TNFAIP8: variants seen among roughly 807,000 people sequenced by gnomAD.
The protein encoded by TNFAIP8 is tumor necrosis factor alpha-induced protein 8.
TNFAIP8 carries 7 observed loss-of-function variants against 13.3 expected under a neutral mutation model. That is an observed-to-expected ratio of 0.52 (90% confidence interval 0.30 to 0.99). The LOEUF is 0.99. Among genes scored for constraint, TNFAIP8 ranks in the 50% least tolerant of loss-of-function variants. TNFAIP8 has a pLI of 0.07. For synonymous variants in TNFAIP8, 94 were observed against 87.6 expected, an observed-to-expected ratio of 1.07 and a Z score of -0.41; for missense variants, 258 against 236.9, an observed-to-expected ratio of 1.09 and a Z score of -0.58.
chr5:119,321,438 C>T (rs1217739560), intron 1 of TNFAIP8, among the ~76,000 whole-genome samples: 1 of 152,146 alleles, frequency 6.6e-6, no homozygotes, highest in African/African-American at 2.4e-5. Flanking sequence ...GTATTTAACA[C>T]ATTTTTCCCA....
chr5:119,294,071 GT>G (rs1749082434), intron 1 of TNFAIP8, among the ~76,000 whole-genome samples: 1 of 151,222 alleles, frequency 6.6e-6, no homozygotes, highest in African/African-American at 2.4e-5. Flanking sequence ...TATACTTTAA[GT>G]TTTAGGGTAC....
At chr5:119,339,767 A>C (rs1180001101) in intron 1 of TNFAIP8, among the ~76,000 whole-genome samples, 1 of 152,202 alleles carries the variant, frequency 6.6e-6, no homozygotes, top group East Asian at 1.9e-4. Flanking sequence ...CTCCGATAAA[A>C]CACTGAAGTC....
intron 1 of TNFAIP8, among the ~76,000 whole-genome samples, chr5:119,374,061 T>G (rs917749577): frequency 1.3e-5 from 2 of 152,220 alleles, no homozygotes; most frequent in Non-Finnish European, 2.9e-5. Context: ...ATTCACATAG[T>G]ATATAGGGTT....
At chr5:119,282,839 C>G (rs780451099) in intron 1 of TNFAIP8, among the ~76,000 whole-genome samples, 7 of 152,188 alleles carry the variant, frequency 4.6e-5, no homozygotes, top group African/African-American at 9.7e-5. Flanking sequence ...CATTTCTTGC[C>G]CATCACAACC....
At chr5:119,316,641 T>C (rs1312827409) in intron 1 of TNFAIP8, among the ~76,000 whole-genome samples, 2 of 152,232 alleles carry the variant, frequency 1.3e-5, no homozygotes, top group Non-Finnish European at 2.9e-5. Flanking sequence ...AGAATCTCTT[T>C]CAAAAATCCA....
chr5:119,353,659 AC>A (rs1430821023), upstream of TNFAIP8, among the ~76,000 whole-genome samples: 1 of 152,232 alleles, frequency 6.6e-6, no homozygotes, highest in African/African-American at 2.4e-5. Context: ...TATAAGGCTG[AC>A]GGAGCGCTTG....
intron 1 of TNFAIP8, among the ~76,000 whole-genome samples, chr5:119,356,797 CA>C (rs1257381916): frequency 1.3e-5 from 2 of 151,808 alleles, no homozygotes; most frequent in African/African-American, 4.8e-5. Context: ...AAGCTCCAAC[CA>C]AAACACAATT....
intron 1 of TNFAIP8, among the ~76,000 whole-genome samples, chr5:119,364,044 G>T (rs1268170366): frequency 6.6e-6 from 1 of 152,158 alleles, no homozygotes; most frequent in Non-Finnish European, 1.5e-5. Flanking sequence ...GCCTTGTCCA[G>T]GCAGGCCACC....
At chr5:119,350,994 CACTCTGTGTGTGTG>C (rs1751111288) in intron 1 of TNFAIP8, among the ~76,000 whole-genome samples, 1 of 110,676 alleles carries the variant, frequency 9.0e-6, no homozygotes, top group Admixed American at 8.7e-5. Context: ...AGAGGGGTCT[CACTCTGTGTGTGTG>C]TGTGTGTGTG....
Position 119,376,260 on chromosome 5 carries a change from A to G in TNFAIP8, c.32-16556A>G, listed in dbSNP as rs182093626. On this transcript the variant is annotated intron_variant, in intron 1 of 1. Transcript: ENST00000504771. ...CTCCTGAGTAGCTAGGATTACAGGC[A>G]TGTGCCACCACAGCTGGCTAATTTT... is the stretch of plus-strand genomic sequence containing the variant. 2.7e-3 allele frequency among the ~76,000 whole-genome samples: 413 copies of G among 152,054 alleles called. 1 individual carries two copies. The highest frequency in any genetic ancestry group is 0.014 in the Middle Eastern group (4 of 294).
intron 1 of TNFAIP8, among the ~76,000 whole-genome samples, chr5:119,334,997 CG>C (rs1314721280): frequency 2.0e-5 from 3 of 152,026 alleles, no homozygotes; most frequent in Admixed American, 2.0e-4. Context: ...CATTTGAGAA[CG>C]AACTGTAAAT....
intron 1 of TNFAIP8, among the ~76,000 whole-genome samples, chr5:119,292,027 T>C (rs2112631218): frequency 6.6e-6 from 1 of 152,258 alleles, no homozygotes; most frequent in Admixed American, 6.5e-5. Flanking sequence ...CCTGCAGGGC[T>C]CACCGGGAGA....
intron 1 of TNFAIP8, among the ~76,000 whole-genome samples, chr5:119,365,107 C>T (rs1751797784): frequency 1.3e-5 from 2 of 152,140 alleles, no homozygotes; most frequent in South Asian, 4.1e-4. Context: ...CTGCCTTGGC[C>T]TCCCAAAGTG....
chr5:119,325,367 A>C (rs903821188), intron 1 of TNFAIP8, among the ~76,000 whole-genome samples: 2 of 152,168 alleles, frequency 1.3e-5, no homozygotes, highest in Admixed American at 1.3e-4. Context: ...TAAACTCCTT[A>C]CCATGTCCTA....
intron 1 of TNFAIP8, among the ~76,000 whole-genome samples, chr5:119,369,497 A>G (rs1191259320): frequency 6.6e-6 from 1 of 152,188 alleles, no homozygotes; most frequent in African/African-American, 2.4e-5. Flanking sequence ...GCAAACAGAA[A>G]ATGCCTGATA....
chr5:119,300,388 C>CTTTA (rs962963779), intron 1 of TNFAIP8, among the ~76,000 whole-genome samples: 8 of 152,172 alleles, frequency 5.3e-5, no homozygotes, highest in Non-Finnish European at 1.2e-4. Flanking sequence ...TTACAATGAG[C>CTTTA]TTTACTGCTT....
chr5:119,392,465 A>G (rs1280493908), intron 1 of TNFAIP8, among the ~76,000 whole-genome samples: 2 of 151,948 alleles, frequency 1.3e-5, no homozygotes, highest in Non-Finnish European at 2.9e-5. Context: ...ATCTCAGCTC[A>G]CTGCAGCCTC....
At chr5:119,325,148 A>T (rs1035990249) in intron 1 of TNFAIP8, among the ~76,000 whole-genome samples, 1 of 152,082 alleles carries the variant, frequency 6.6e-6, no homozygotes, top group Admixed American at 6.5e-5. Context: ...ATCAGTCCCC[A>T]TGTGGATAGT....
intron 1 of TNFAIP8, among the ~76,000 whole-genome samples, chr5:119,308,222 C>T (rs1238325805): frequency 6.6e-6 from 1 of 152,020 alleles, no homozygotes; most frequent in East Asian, 1.9e-4. Context: ...GACAGCATTC[C>T]CTCTTTCCTG....
Sources: allele counts gnomAD v4.1 joint callset (sites outside exome capture counted in the v4.1 genomes callset), GRCh38; gene constraint gnomAD v4.1.1; transcripts MANE v1.5; gene names NCBI Gene and HGNC (gene_info 2026-07-23, HGNC 2026-07-21).